Variants in ANK2 observed in about 807,000 individuals in gnomAD.
ANK2 encodes ankyrin 2.
Under a neutral mutation model 360.5 loss-of-function variants are expected in ANK2, and 83 were observed. The observed-to-expected ratio is 0.23, with a 90% CI of 0.19 to 0.28. The LOEUF is 0.28. Ranked by LOEUF, ANK2 falls within the 10% of genes least tolerant of loss-of-function variation. ANK2 has a pLI of 1.00. For synonymous variants in ANK2, 1,740 were observed against 1,759.5 expected, an observed-to-expected ratio of 0.99 and a Z score of 0.28; for missense variants, 4,201 against 4,795.7, an observed-to-expected ratio of 0.88 and a Z score of 3.66.
the ANK2 span, among the ~76,000 whole-genome samples, chr4:112,784,687 A>G: frequency 6.6e-6 from 1 of 152,014 alleles, no homozygotes; most frequent in Non-Finnish European, 1.5e-5. Flanking sequence ...TGCCCACCTT[A>G]GCCTCTCCAA....
chr4:113,025,931 A>G (rs548948693), intron 2 of ANK2, among the ~76,000 whole-genome samples: 1 of 152,320 alleles, frequency 6.6e-6, no homozygotes, highest in Non-Finnish European at 1.5e-5. Context: ...TGTCACTTTC[A>G]TGGGCATTTT....
intron 1 of ANK2, among the ~76,000 whole-genome samples, chr4:113,129,329 T>C (rs1409584129): frequency 1.3e-5 from 2 of 152,188 alleles, no homozygotes; most frequent in African/African-American, 2.4e-5. Flanking sequence ...TTTTCAACTA[T>C]AGAATTCTGT....
In ANK2 at chr4:112,894,520, T is replaced by C. The variant is rs193128563; in HGVS notation, c.-39-9935T>C. Among the ~76,000 whole-genome samples, 591 of 152,344 alleles carry C rather than the reference T, an allele frequency of 3.9e-3. 11 individuals are homozygous for C. Among genetic ancestry groups the C allele is most frequent in the Non-Finnish European group, 1.2e-3 (84 of 68,034 alleles). The stretch of plus-strand genomic sequence containing the variant: ...TGTTCTATGTAAGAGTTGACGATAA[T>C]GGAAGGTTGTAGATTTAGTAACACA... On this transcript the variant is annotated intron_variant, in intron 1 of 30. Coordinates refer to the ANK2 transcript ENST00000503271.
intron 2 of ANK2, among the ~76,000 whole-genome samples, chr4:112,996,975 T>G (rs72894456): frequency 0.019 from 2,932 of 152,232 alleles, 95 homozygotes; most frequent in African/African-American, 0.065. Flanking sequence ...AATTATAGAC[T>G]TCTCTCCTAA....
chr4:112,878,278 G>A (rs1252165813), intron 1 of ANK2, among the ~76,000 whole-genome samples: 1 of 151,686 alleles, frequency 6.6e-6, no homozygotes, highest in Non-Finnish European at 1.5e-5. Context: ...CCTACTTGAA[G>A]CTTTCTCTTT....
chr4:112,747,555 A>G, the ANK2 span, among the ~76,000 whole-genome samples: 1 of 152,198 alleles, frequency 6.6e-6, no homozygotes, highest in African/African-American at 2.4e-5. Context: ...AAAGGAAGAG[A>G]AAAGTTTTAT....
chr4:112,866,327 T>C (rs1251696202), intron 1 of ANK2, among the ~76,000 whole-genome samples: 4 of 152,182 alleles, frequency 2.6e-5, no homozygotes, highest in Admixed American at 1.3e-4. Context: ...GTAGAGGTTA[T>C]AGTGAGGCCA....
chr4:112,831,884 T>C (rs2149683613), intron 1 of ANK2, among the ~76,000 whole-genome samples: 1 of 151,946 alleles, frequency 6.6e-6, no homozygotes, highest in East Asian at 1.9e-4. Flanking sequence ...ATTGTGAAGG[T>C]TTGCAGCTTC....
intron 2 of ANK2, among the ~76,000 whole-genome samples, chr4:112,956,570 G>A (rs1043199796): frequency 6.6e-6 from 1 of 152,188 alleles, no homozygotes; most frequent in Admixed American, 6.5e-5. Context: ...CATAGACAGC[G>A]TGGATCTGCT....
chr4:113,317,848 G>A lies in ANK2; in HGVS notation c.2796+39G>A, dbSNP rs1349530405. On this transcript the variant is annotated intron_variant, in intron 25 of 45. Coordinates refer to ENST00000357077, the MANE Select transcript of ANK2 (RefSeq NM_001148.6). ...TGCCTTCATGTCTTTGCTTTCTGGAGAGCTTTGTAACATTATTGGATGCTA... is the reference window on the plus strand; with the variant it reads ...TGCCTTCATGTCTTTGCTTTCTGGAAAGCTTTGTAACATTATTGGATGCTA... 2.6e-6 allele frequency: 4 copies of A among 1,525,064 alleles called. No individual in the cohort carries two copies. The Admixed American group carries it at 6.8e-5, about 26-fold the overall frequency. 94.5% of individuals were successfully genotyped at this position (1,525,064 alleles called of 1,614,324 possible).
At chr4:112,844,526 A>G (rs182986089) in intron 1 of ANK2, among the ~76,000 whole-genome samples, 51 of 152,346 alleles carry the variant, frequency 3.3e-4, no homozygotes, top group African/African-American at 1.2e-3. Context: ...TAGCAATGTC[A>G]GGTGTGTACT....
the ANK2 span, among the ~76,000 whole-genome samples, chr4:112,738,180 C>T: frequency 2.0e-5 from 3 of 152,036 alleles, no homozygotes; most frequent in African/African-American, 2.4e-5. Context: ...GAGGCCGAGG[C>T]GGGCAGATCA....
chr4:112,825,024 T>A (rs2058098601), intron 1 of ANK2, among the ~76,000 whole-genome samples: 1 of 152,040 alleles, frequency 6.6e-6, no homozygotes, highest in Non-Finnish European at 1.5e-5. Context: ...AAATGATGAG[T>A]TCATGTCCTT....
the ANK2 span, among the ~76,000 whole-genome samples, chr4:112,791,072 T>G: frequency 6.6e-6 from 1 of 152,210 alleles, no homozygotes; most frequent in Admixed American, 6.5e-5. Context: ...GGAGTTAAGT[T>G]TATTTCATGT....
intron 1 of ANK2, among the ~76,000 whole-genome samples, chr4:113,160,592 C>A (rs2097495072): frequency 6.6e-6 from 1 of 152,108 alleles, no homozygotes; most frequent in Admixed American, 6.5e-5. Context: ...AACATCTTCC[C>A]TTATATTGTT....
chr4:113,002,002 TTTTATTTA>T (rs140994396), intron 2 of ANK2, among the ~76,000 whole-genome samples: 1,854 of 151,006 alleles, frequency 0.012, 35 homozygotes, highest in African/African-American at 0.043. Flanking sequence ...CATCCGTTTC[TTTTATTTA>T]TTTATTTATT....
At chr4:113,224,155 A>G (rs2099186803) in intron 4 of ANK2, among the ~76,000 whole-genome samples, 1 of 152,192 alleles carries the variant, frequency 6.6e-6, no homozygotes, top group South Asian at 2.1e-4. Context: ...TTTAGAAGCA[A>G]ACTACTCAGA....
chr4:113,357,907 G>A lies in ANK2; in HGVS notation c.9289G>A (p.Glu3097Lys), dbSNP rs2154028733. The A allele has an allele frequency of 6.2e-7, 1 of 1,614,030 alleles. No individual in the cohort carries two copies. Among genetic ancestry groups the A allele is most frequent in the South Asian group, 1.1e-5 (1 of 91,082 alleles). ...TPTEEGTPTS[E>K]QNPFLFQEGK... ...AACTGAAGAGGGGACCCCAACAAGT[G>A]AGCAAAACCCATTTCTGTTTCAGGA... The change falls in exon 38 of 46, where the codon GAG becomes AAG. Residue 3097 changes from glutamate (E) to lysine (K), a missense_variant. By Grantham distance (56) the Glu-to-Lys change is moderately conservative. This residue lies in a region of ANK2 where 2,642 missense variants were observed against 2,714.5 expected (regional missense o/e 0.97). Coordinates refer to ENST00000357077, the MANE Select transcript of ANK2 (RefSeq NM_001148.6).
At chr4:112,789,529 A>C in the ANK2 span, among the ~76,000 whole-genome samples, 1 of 152,208 alleles carries the variant, frequency 6.6e-6, no homozygotes, top group Non-Finnish European at 1.5e-5. Flanking sequence ...GGAGCACAAA[A>C]ATAAGCATAC....
Sources: allele counts gnomAD v4.1 joint callset (sites outside exome capture counted in the v4.1 genomes callset), GRCh38; gene constraint gnomAD v4.1.1; regional missense constraint gnomAD v4.1.1; transcripts MANE v1.5; gene names NCBI Gene and HGNC (gene_info 2026-07-23, HGNC 2026-07-21).